SRCIN1: variants seen among roughly 807,000 people sequenced by gnomAD.
SRCIN1 encodes the protein P130Cas-associated protein.
In SRCIN1, 50 loss-of-function variants were observed where a neutral mutation model predicts 116.2. The ratio of observed to expected loss-of-function variants is 0.43; its 90% confidence interval spans 0.34 to 0.54. SRCIN1 has a LOEUF of 0.54. SRCIN1 is among the 20% of genes least tolerant of loss of function. The pLI, the probability that SRCIN1 is intolerant of heterozygous loss-of-function variation, is 0.02. For missense variants in SRCIN1, 1,446 were observed against 1,672.0 expected (o/e 0.86, Z 2.36); for synonymous variants, 736 against 750.0 (o/e 0.98, Z 0.30).
chr17:38,553,169 A>C (rs1038890695), intron 11 of SRCIN1, among the ~76,000 whole-genome samples: 1 of 152,110 alleles, frequency 6.6e-6, no homozygotes, highest in Non-Finnish European at 1.5e-5. Context: ...GGCAGGGGGA[A>C]TCACTTGAGC....
In SRCIN1 at chr17:38,559,414, G is replaced by A. The variant is rs73982836; in HGVS notation, c.2025+171C>T. The A allele has an allele frequency of 7.6e-3, 5,084 of 672,876 alleles. 241 individuals carry two copies. In the African/African-American group the frequency reaches 0.089, roughly 12 times the overall value. The allele number at this position is 672,876 out of a possible 1,614,324, so 41.7% of individuals were successfully genotyped here. On this transcript the variant is annotated intron_variant, in intron 10 of 18. Coordinates refer to ENST00000617146, the MANE Select transcript of SRCIN1 (RefSeq NM_025248.3). ...GTTCAGCGAGGGAGCGGAAGCTCAA[G>A]AAAGGGGAAGGGGAGAAAGGGTTCG... is the stretch of plus-strand genomic sequence containing the variant.
chr17:38,561,580 C>A lies in SRCIN1; in HGVS notation c.1583G>T (p.Arg528Leu), dbSNP rs1906245077. 3 of 1,601,370 alleles carry A rather than the reference C, an allele frequency of 1.9e-6. No individual in the cohort carries two copies. The highest frequency in any genetic ancestry group is 2.6e-6 in the Non-Finnish European group (3 of 1,175,254). The change falls in exon 7 of 19, where the codon CGC (arginine) becomes CTC (leucine). Residue 528 changes from arginine to leucine, a missense_variant. This residue lies in a region of SRCIN1 where 398 missense variants were observed against 385.6 expected (regional missense o/e 1.03). Coordinates refer to ENST00000617146, the MANE Select transcript of SRCIN1 (RefSeq NM_025248.3). ...GGCCGTCGAGGCGCTCCCCGCGCTG[C>A]GGGTCTTCCCTCCAGGACTCTCGGC... Reference protein sequence around the residue: ...VFAESPGGKTRSAGSASTAGA... With the variant: ...VFAESPGGKTLSAGSASTAGA...
In SRCIN1 at chr17:38,585,780, C is replaced by T. The variant is rs1406472344; in HGVS notation, c.23-6989G>A. Among the ~76,000 whole-genome samples, 1 of 152,188 alleles carries T rather than the reference C, an allele frequency of 6.6e-6. No homozygotes were observed. Among genetic ancestry groups the T allele is most frequent in the Non-Finnish European group, 1.5e-5 (1 of 68,036 alleles). On this transcript the variant is annotated intron_variant, in intron 1 of 18. Transcript: ENST00000617146. The surrounding 1 kb of genome is among the most constrained non-coding windows in gnomAD (Gnocchi z 4.2). ...ATCCCCCCAAATTGCTAATACCCAGCGCCCTGTTGAGTCTCCCTGTCACTC... is the reference window on the plus strand; with the variant it reads ...ATCCCCCCAAATTGCTAATACCCAGTGCCCTGTTGAGTCTCCCTGTCACTC...
rs1906286612 is a variant in SRCIN1 at position 38,561,947 on chromosome 17, C to T, written c.1216G>A (p.Gly406Ser). The part of the protein sequence containing the change: ...YADPYGLLHE[G>S]RLSLAAAAGD... ...GCGGCCGCGGCCAGGCTCAGACGGC[C>T]CTCGTGCAGCAGCCCGTAGGGGTCA... is the stretch of plus-strand genomic sequence containing the variant. Residue 406 changes from glycine to serine, a missense_variant, in exon 7 of 19, where the codon GGC (glycine) becomes AGC (serine). Around this residue, in one of 5 missense-constraint regions of SRCIN1, gnomAD observed 239 missense variants for 317.7 expected, o/e 0.75. Coordinates refer to ENST00000617146, the MANE Select transcript of SRCIN1 (RefSeq NM_025248.3). 6.8e-7 allele frequency: 1 copy of T among 1,465,356 alleles called. No homozygotes were observed. The allele number at this position is 1,465,356 out of a possible 1,614,324, so 90.8% of individuals were successfully genotyped here. A position where few individuals can be genotyped will look rare whatever the true frequency, so the allele number is the denominator to read the frequency against.
chr17:38,548,492 G>A, intron 17 of SRCIN1, 65 bp downstream of exon 17: 1 of 1,588,146 alleles, frequency 6.3e-7, no homozygotes, highest in Non-Finnish European at 8.5e-7. Context: ...ACCTGGCCTG[G>A]GGGGCAGCCT....
At chr17:38,546,505 C>T (rs1209839960) in intron 17 of SRCIN1, 1 of 152,318 alleles carries the variant, frequency 6.6e-6, no homozygotes, top group Non-Finnish European at 1.5e-5. Flanking sequence ...AGGGCAACCT[C>T]ACGCTCGCCC....
Position 38,533,010 on chromosome 17 carries a change from G to T in SRCIN1, c.*287C>A, listed in dbSNP as rs921405215. On this transcript the variant is annotated 3_prime_UTR_variant, in exon 19 of 19. Coordinates refer to ENST00000617146, the MANE Select transcript of SRCIN1 (RefSeq NM_025248.3). ...AGGAGAGATGTGACAGGTGCGGCCAGCGAGAGGCCAGCTGGGATCAAGGAA... is the reference window on the plus strand; with the variant it reads ...AGGAGAGATGTGACAGGTGCGGCCATCGAGAGGCCAGCTGGGATCAAGGAA... 8.2e-6 allele frequency: 2 copies of T among 243,152 alleles called. No individual in the cohort carries two copies. The highest frequency in any genetic ancestry group is 1.6e-5 in the Non-Finnish European group (2 of 128,762). The allele number at this position is 243,152 out of a possible 1,614,324, so 15.1% of individuals were successfully genotyped here. A position where few individuals can be genotyped will look rare whatever the true frequency, so the allele number is the denominator to read the frequency against.
At chr17:38,582,500 A>C (rs1455205066) in intron 1 of SRCIN1, among the ~76,000 whole-genome samples, 1 of 152,206 alleles carries the variant, frequency 6.6e-6, no homozygotes, top group Non-Finnish European at 1.5e-5. Flanking sequence ...CAGCCTGCAC[A>C]GACAGGGAAG....
At chr17:38,543,121 C>T (rs565993801) in intron 18 of SRCIN1, 4 of 456,750 alleles carry the variant, frequency 8.8e-6, no homozygotes, top group Admixed American at 2.3e-5. Context: ...ACAGCCTCCG[C>T]GCCTGCTCAT....
At position 38,562,839 on chromosome 17, in the gene SRCIN1, G is replaced by A. The variant is rs1416161729; in HGVS notation, c.822C>T (p.Asn274=). 2.5e-6 allele frequency: 4 copies of A among 1,613,602 alleles called. No individual in the cohort carries two copies. The highest frequency in any genetic ancestry group is 2.2e-5 in the East Asian group (1 of 44,888). Reference sequence around the variant, plus strand: ...TGCCCAGCCATACCCGGAGGTCCCCGTTGGTGAGATGTGAGCCAGGGAAGG... The same window carrying A: ...TGCCCAGCCATACCCGGAGGTCCCCATTGGTGAGATGTGAGCCAGGGAAGG... ...YAAFPGSHLT[N]GDLRREMVYA... is the part of the protein sequence containing the mutation. Residue 274 remains asparagine, a synonymous_variant, in exon 6 of 19, where the codon AAC becomes AAT. Transcript: ENST00000617146. The surrounding 1 kb of genome is among the most constrained non-coding windows in gnomAD (Gnocchi z 4.2).
intron 18 of SRCIN1, among the ~76,000 whole-genome samples, chr17:38,537,931 C>T (rs951534448): frequency 2.0e-5 from 3 of 150,862 alleles, no homozygotes; most frequent in African/African-American, 7.3e-5. Context: ...GAAACCCCAT[C>T]TTTACTAAAA....
At chr17:38,551,807 C>T in intron 14 of SRCIN1, 79 bp downstream of exon 14, 5 of 1,602,780 alleles carry the variant, frequency 3.1e-6, no homozygotes, top group Non-Finnish European at 4.2e-6. Context: ...AGGATTGGCA[C>T]TCCCCACTCT....
chr17:38,533,139 G>T lies in SRCIN1; in HGVS notation c.*158C>A. The T allele has an allele frequency of 1.6e-6, 1 of 627,006 alleles. No individual in the cohort carries two copies. Among genetic ancestry groups the T allele is most frequent in the Non-Finnish European group, 2.3e-6 (1 of 433,776 alleles). 38.8% of individuals were successfully genotyped at this position (627,006 alleles called of 1,614,324 possible). A position where few individuals can be genotyped will look rare whatever the true frequency, so the allele number is the denominator to read the frequency against. On this transcript the variant is annotated 3_prime_UTR_variant, in exon 19 of 19. Coordinates refer to ENST00000617146, the MANE Select transcript of SRCIN1 (RefSeq NM_025248.3). ...AAAACCAAAAACACCAACAGATGAT[G>T]GGTAGGGGTCGCTGAGGAGGGCCGC...
rs2040940631 is a variant in SRCIN1 at position 38,532,867 on chromosome 17, G to C, written c.*430C>G. ...AGAAACGGGAGAGGGGTCTCCCACT[G>C]CTCCAAGTCTCCGTGGTTCAGAGTT... On this transcript the variant is annotated 3_prime_UTR_variant, in exon 19 of 19. Transcript: ENST00000617146. The surrounding 1 kb of genome is among the most constrained non-coding windows in gnomAD (Gnocchi z 4.3). The C allele has an allele frequency of 6.4e-6, 1 of 155,384 alleles. No homozygotes were observed. The highest frequency in any genetic ancestry group is 2.4e-5 in the African/African-American group (1 of 41,514). The allele number at this position is 155,384 out of a possible 1,614,324, so 9.6% of individuals were successfully genotyped here. A position where few individuals can be genotyped will look rare whatever the true frequency, so the allele number is the denominator to read the frequency against.
Position 38,563,922 on chromosome 17 carries a change from GA to G in SRCIN1, c.541+195del. ...AAGAGGGAGAGAGGAGGCTTGGAGG[GA>G]AAGGGGTCGGGTGGGGATGCTGAGG... is the stretch of plus-strand genomic sequence containing the variant. On this transcript the variant is annotated intron_variant, in intron 4 of 18. Transcript: ENST00000617146. The surrounding 1 kb of genome is among the most constrained non-coding windows in gnomAD (Gnocchi z 5.8). 1.6e-6 allele frequency: 1 copy of G among 641,006 alleles called. No homozygotes were observed. Among genetic ancestry groups the G allele is most frequent in the South Asian group, 1.9e-5 (1 of 51,644 alleles). 39.7% of individuals were successfully genotyped at this position (641,006 alleles called of 1,614,324 possible).
In SRCIN1 at chr17:38,533,163, G is replaced by A. The variant is rs2040948230; in HGVS notation, c.*134C>T. ...TGGGTAGGGGTCGCTGAGGAGGGCC[G>A]CACCCTCCTCTTCAGGGCACACCCC... is the stretch of plus-strand genomic sequence containing the variant. On this transcript the variant is annotated 3_prime_UTR_variant, in exon 19 of 19. Coordinates refer to ENST00000617146, the MANE Select transcript of SRCIN1 (RefSeq NM_025248.3). 4.9e-6 allele frequency: 5 copies of A among 1,024,218 alleles called. No individual in the cohort carries two copies. The highest frequency in any genetic ancestry group is 4.4e-5 in the South Asian group (2 of 45,852). The allele number at this position is 1,024,218 out of a possible 1,614,324, so 63.4% of individuals were successfully genotyped here.
At position 38,551,215 on chromosome 17, in the gene SRCIN1, T is replaced by TG. The variant is rs753894212; in HGVS notation, c.2901dup (p.Lys968GlnfsTer22). 1 of 1,598,226 alleles carries TG rather than the reference T, an allele frequency of 6.3e-7. No individual in the cohort carries two copies. The highest frequency in any genetic ancestry group is 8.5e-7 in the Non-Finnish European group (1 of 1,170,880). ...GCTGCCTTCTGGCCGTGGGGGGCCTTGGGGGGCTTGTGATCTGGAGTGGGG... is the reference window on the plus strand; with the variant it reads ...GCTGCCTTCTGGCCGTGGGGGGCCTTGGGGGGGCTTGTGATCTGGAGTGGGG... On this transcript the variant is annotated frameshift_variant, in exon 15 of 19. Coordinates refer to ENST00000617146, the MANE Select transcript of SRCIN1 (RefSeq NM_025248.3). LOFTEE classifies it high-confidence loss of function.
intron 1 of SRCIN1, among the ~76,000 whole-genome samples, chr17:38,596,799 C>G (rs777191159): frequency 4.1e-4 from 63 of 152,170 alleles, no homozygotes; most frequent in Non-Finnish European, 6.8e-4. Context: ...GAGCACAGAC[C>G]TGCCTGAAGT....
chr17:38,538,875 A>C (rs1309086425), intron 18 of SRCIN1, among the ~76,000 whole-genome samples: 2 of 152,066 alleles, frequency 1.3e-5, no homozygotes, highest in Non-Finnish European at 2.9e-5. Flanking sequence ...CTAATCGCAT[A>C]TCTCTCTGTG....
Sources: gnomAD v4.1 joint callset for allele counts (sites outside exome capture counted in the v4.1 genomes callset) on GRCh38, gnomAD v4.1.1 for gene constraint, gnomAD v4.1.1 regional missense constraint, Gnocchi (gnomAD v3.1) non-coding constraint, MANE v1.5 for transcripts, NCBI Gene and HGNC (gene_info 2026-07-23, HGNC 2026-07-21) for gene names.